The following CHFR variants were observed in gnomAD, a reference collection of about 807,000 sequenced individuals.
CHFR encodes checkpoint with forkhead and ring finger domains.
In CHFR, 57 loss-of-function variants were observed where a neutral mutation model predicts 87.6. The observed-to-expected ratio is 0.65, with a 90% CI of 0.53 to 0.81. CHFR has a LOEUF of 0.81. Among genes scored for constraint, CHFR ranks in the 30% least tolerant of loss-of-function variants. The pLI, the probability that CHFR is intolerant of heterozygous loss-of-function variation, is 0.00. For synonymous variants in CHFR, 381 were observed against 359.2 expected, an observed-to-expected ratio of 1.06 and a Z score of -0.69; for missense variants, 797 against 865.8, an observed-to-expected ratio of 0.92 and a Z score of 1.00.
chr12:132,884,670 T>TC (rs1566209185), intron 2 of CHFR, among the ~76,000 whole-genome samples: 1 of 151,570 alleles, frequency 6.6e-6, no homozygotes, highest in African/African-American at 2.4e-5. Flanking sequence ...GCAAGCAGAG[T>TC]CCCCCTCTCT....
chr12:132,848,527 A>G (rs1001538170), intron 13 of CHFR, 114 bp downstream of exon 13: 1 of 784,480 alleles, frequency 1.3e-6, no homozygotes, highest in African/African-American at 1.7e-5. Flanking sequence ...GATGACCAAC[A>G]GTGGCCTCAT....
rs111786421 is a variant in CHFR at position 132,840,738 on chromosome 12, C to A, written c.*816G>T. 7.9e-6 allele frequency: 1 copy of A among 127,042 alleles called. No individual in the cohort carries two copies. Among genetic ancestry groups the A allele is most frequent in the East Asian group, 2.2e-4 (1 of 4,554 alleles). The allele number at this position is 127,042 out of a possible 1,614,324, so 7.9% of individuals were successfully genotyped here. A position where few individuals can be genotyped will look rare whatever the true frequency, so the allele number is the denominator to read the frequency against. ...TGGTCACTCACACAAGGGAGCAGCA[C>A]GTCCTGGGACCTGCGTCCAGCCCCA... On this transcript the variant is annotated 3_prime_UTR_variant, in exon 18 of 18. Transcript: ENST00000450056.
rs771714333 is a variant in CHFR at position 132,862,413 on chromosome 12, C to A, written c.584-779G>T. ...TTTTAGACCAGCCTGGGCAACACAG[C>A]AAGGCACCATCTCTACAAAAAATAC... On this transcript the variant is annotated intron_variant, in intron 6 of 17. Coordinates refer to ENST00000450056, the MANE Select transcript of CHFR (RefSeq NM_001161346.2). 38 of 449,280 alleles carry A rather than the reference C, an allele frequency of 8.5e-5. 1 individual carries two copies. Among genetic ancestry groups the A allele is most frequent in the South Asian group, 5.8e-4 (37 of 63,684 alleles). 27.8% of individuals were successfully genotyped at this position (449,280 alleles called of 1,614,324 possible). A position where few individuals can be genotyped will look rare whatever the true frequency, so the allele number is the denominator to read the frequency against.
intron 2 of CHFR, among the ~76,000 whole-genome samples, chr12:132,885,942 G>A (rs1951882343): frequency 6.6e-6 from 1 of 152,126 alleles, no homozygotes; most frequent in Admixed American, 6.5e-5. Flanking sequence ...ATGTTATGAT[G>A]ATATCTAAAT....
intron 2 of CHFR, among the ~76,000 whole-genome samples, chr12:132,880,724 T>C (rs1474738207): frequency 6.7e-6 from 1 of 149,100 alleles, no homozygotes; most frequent in Admixed American, 6.7e-5. Context: ...CTCAGCACGT[T>C]GGGAGGCCGA....
rs1161017404 is a variant in CHFR at position 132,887,233 on chromosome 12, G to A, written c.96C>T (p.Leu32=). 8 of 1,504,280 alleles carry A rather than the reference G, an allele frequency of 5.3e-6. No homozygotes were observed. The highest frequency in any genetic ancestry group is 2.1e-5 in the Admixed American group (1 of 47,110). 93.2% of individuals were successfully genotyped at this position (1,504,280 alleles called of 1,614,324 possible). Residue 32 remains leucine, a synonymous_variant, in exon 2 of 18, where the codon CTC becomes CTT. Transcript: ENST00000450056. ...CGATGGTCCACTCCCGCTTCCTCAG[G>A]AGGACGTGCGGCTCGCCCTCCTCCG... ...LGAEEGEPHV[L]LRKREWTIGR...
At chr12:132,874,489 G>C (rs1951571278) in intron 3 of CHFR, among the ~76,000 whole-genome samples, 1 of 149,734 alleles carries the variant, frequency 6.7e-6, no homozygotes, top group Non-Finnish European at 1.5e-5. Flanking sequence ...AGGGAAACCA[G>C]GCCCTGGAAC....
chr12:132,882,206 G>A (rs1296674439), intron 2 of CHFR, among the ~76,000 whole-genome samples: 8 of 152,214 alleles, frequency 5.3e-5, no homozygotes, highest in African/African-American at 1.9e-4. Flanking sequence ...ACACTACCCG[G>A]TAACAGAAAG....
In CHFR at chr12:132,836,890, A is replaced by T; in HGVS notation, c.*4664T>A. The T allele has an allele frequency of 2.5e-6, 1 of 393,464 alleles. No homozygotes were observed. The highest frequency in any genetic ancestry group is 7.2e-5 in the East Asian group (1 of 13,972). 24.4% of individuals were successfully genotyped at this position (393,464 alleles called of 1,614,324 possible). A position where few individuals can be genotyped will look rare whatever the true frequency, so the allele number is the denominator to read the frequency against. On this transcript the variant is annotated 3_prime_UTR_variant, in exon 18 of 18. Transcript: ENST00000450056. ...GGCCAAACATTTCAGACAAATAAAC[A>T]ACAGTGGGCAGACAGGCAAGATCCC...
chr12:132,851,648 C>G lies in CHFR; in HGVS notation c.1462G>C (p.Glu488Gln). The stretch of plus-strand genomic sequence containing the variant: ...TGAGGGGCGACACGCGGGTCCTGCT[C>G]GCGCTCCGCTCTCCGGTCGGGCATG... ...QPMPDRRAEREQDPRVAPQQC... is the reference protein window; with the variant it reads ...QPMPDRRAERQQDPRVAPQQC... The change falls in exon 12 of 18, where the codon GAG (glutamate) becomes CAG (glutamine). Residue 488 changes from glutamate to glutamine, a missense_variant. Transcript: ENST00000450056. 1.2e-6 allele frequency: 2 copies of G among 1,612,836 alleles called. No homozygotes were observed. The highest frequency in any genetic ancestry group is 1.7e-6 in the Non-Finnish European group (2 of 1,179,868).
intron 6 of CHFR, chr12:132,865,959 C>G (rs890663051): frequency 2.6e-5 from 4 of 152,252 alleles, no homozygotes; most frequent in Non-Finnish European, 5.9e-5. Flanking sequence ...CAGGCGTGAG[C>G]CACTGTGCCC....
intron 2 of CHFR, among the ~76,000 whole-genome samples, chr12:132,879,248 GC>G (rs1484265588): frequency 6.6e-6 from 1 of 152,094 alleles, no homozygotes; most frequent in Non-Finnish European, 1.5e-5. Context: ...ACCCGCCTCA[GC>G]CTCCCAAAGT....
At chr12:132,851,569 C>T in intron 12 of CHFR, 49 bp downstream of exon 12, 1 of 1,552,368 alleles carries the variant, frequency 6.4e-7, no homozygotes, top group East Asian at 2.3e-5. Flanking sequence ...AACCTGACCC[C>T]TGAAGGACAG....
chr12:132,841,574 G>C lies in CHFR; in HGVS notation c.1939C>G (p.Gln647Glu). ...GATGCTTAGTTTTTGAACCTTGTCT[G>C]TTCACAGATATGATTGAATTTCCTG... ...HAMKFNHICE[Q>E]TRFKN The change falls in exon 18 of 18, where the codon CAG (glutamine) becomes GAG (glutamate). Residue 647 changes from glutamine (Q) to glutamate (E), a missense_variant. Coordinates refer to ENST00000450056, the MANE Select transcript of CHFR (RefSeq NM_001161346.2). 6.2e-7 allele frequency: 1 copy of C among 1,613,824 alleles called. No homozygotes were observed. The highest frequency in any genetic ancestry group is 8.5e-7 in the Non-Finnish European group (1 of 1,179,738).
chr12:132,861,189 AG>A (rs1272968338), intron 7 of CHFR, among the ~76,000 whole-genome samples: 1 of 152,214 alleles, frequency 6.6e-6, no homozygotes, highest in Non-Finnish European at 1.5e-5. Context: ...GCCAGGAAGG[AG>A]GATTTTGAGA....
rs944813223 is a variant in CHFR at position 132,837,250 on chromosome 12, G to C, written c.*4304C>G. On this transcript the variant is annotated 3_prime_UTR_variant, in exon 18 of 18. Transcript: ENST00000450056. ...TACTATGTAATAAACCACCCCAAATGCAGTGGCTTAAACAACTACTTATTT... is the reference window on the plus strand; with the variant it reads ...TACTATGTAATAAACCACCCCAAATCCAGTGGCTTAAACAACTACTTATTT... The C allele has an allele frequency of 1.0e-5, 2 of 190,526 alleles. No homozygotes were observed. The highest frequency in any genetic ancestry group is 2.2e-5 in the Non-Finnish European group (2 of 90,702). 11.8% of individuals were successfully genotyped at this position (190,526 alleles called of 1,614,324 possible).
intron 4 of CHFR, 105 bp from the exon 5 acceptor site, chr12:132,870,888 G>C: frequency 1.5e-6 from 1 of 657,144 alleles, no homozygotes; most frequent in South Asian, 1.9e-5. Flanking sequence ...TGATTATTTT[G>C]ACTCATCAGC....
chr12:132,853,492 G>T lies in CHFR; in HGVS notation c.1311C>A (p.Gly437=). ...AQPPHCPAPE[G]EPGAPQALGD... ...CCAGGGCCTGTGGGGCTCCTGGCTC[G>T]CCCTCGGGTGCTGGGCAGTGGGGAG... Residue 437 remains glycine (G), a synonymous_variant, in exon 11 of 18, where the codon GGC becomes GGA. Transcript: ENST00000450056. 6.5e-7 allele frequency: 1 copy of T among 1,532,868 alleles called. No individual in the cohort carries two copies. The allele number at this position is 1,532,868 out of a possible 1,614,324, so 95.0% of individuals were successfully genotyped here.
At chr12:132,877,242 G>GCTGTATA (rs1419074613) in intron 3 of CHFR, among the ~76,000 whole-genome samples, 2 of 152,136 alleles carry the variant, frequency 1.3e-5, no homozygotes, top group Non-Finnish European at 2.9e-5. Flanking sequence ...ACAGTAGCAC[G>GCTGTATA]CTGTATAGGT....
Sources: allele counts gnomAD v4.1 joint callset (sites outside exome capture counted in the v4.1 genomes callset), GRCh38; gene constraint gnomAD v4.1.1; transcripts MANE v1.5; gene names NCBI Gene and HGNC (gene_info 2026-07-23, HGNC 2026-07-21).